Variants in FUT8 observed in about 807,000 individuals in gnomAD.
FUT8 encodes the protein alpha-(1,6)-fucosyltransferase.
FUT8 carries 29 observed loss-of-function variants against 71.3 expected under a neutral mutation model. That is an observed-to-expected ratio of 0.41 (90% confidence interval 0.30 to 0.55). FUT8 has a LOEUF of 0.55. FUT8 is among the 20% of genes least tolerant of loss of function. The pLI, the probability that FUT8 is intolerant of heterozygous loss-of-function variation, is 0.34. For missense variants in FUT8, 544 were observed against 702.1 expected, an observed-to-expected ratio of 0.77 and a Z score of 2.55; for synonymous variants, 254 against 239.3, an observed-to-expected ratio of 1.06 and a Z score of -0.57.
intron 7 of FUT8, among the ~76,000 whole-genome samples, chr14:65,671,045 C>A (rs1436459567): frequency 6.6e-6 from 1 of 152,130 alleles, no homozygotes; most frequent in Non-Finnish European, 1.5e-5. Flanking sequence ...TAGGAAGATA[C>A]TAAATTTGTC....
chr14:65,719,033 C>A (rs1028568294), intron 7 of FUT8, among the ~76,000 whole-genome samples: 13 of 152,268 alleles, frequency 8.5e-5, no homozygotes, highest in Admixed American at 6.5e-5. Flanking sequence ...TCTGTTTCAT[C>A]CCTTTGAATA....
In FUT8 at chr14:65,660,591, C is replaced by A. The variant is rs2140348386; in HGVS notation, c.598-8652C>A. On this transcript the variant is annotated intron_variant, in intron 6 of 10. Transcript: ENST00000673929. The surrounding 1 kb of genome is among the most constrained non-coding windows in gnomAD (Gnocchi z 4.1). ...TTGATTTCCTGAAGCACTTGGTAAACTACTTGGGCCTGAGCTATTGTGTTG... is the reference window on the plus strand; with the variant it reads ...TTGATTTCCTGAAGCACTTGGTAAAATACTTGGGCCTGAGCTATTGTGTTG... 6.6e-6 allele frequency among the ~76,000 whole-genome samples: 1 copy of A among 152,248 alleles called. No individual in the cohort carries two copies. The highest frequency in any genetic ancestry group is 2.4e-5 in the African/African-American group (1 of 41,554).
chr14:65,586,505 C>G (rs181739707), intron 3 of FUT8, among the ~76,000 whole-genome samples: 1 of 152,144 alleles, frequency 6.6e-6, no homozygotes, highest in Non-Finnish European at 1.5e-5. Flanking sequence ...ATATGAAATG[C>G]TAGACATTTA....
intron 2 of FUT8, among the ~76,000 whole-genome samples, chr14:65,494,930 C>T (rs2066536894): frequency 3.3e-5 from 5 of 151,932 alleles, no homozygotes; most frequent in Admixed American, 3.3e-4. Flanking sequence ...GAAGGACTTC[C>T]AAGAGACTCC....
intron 2 of FUT8, among the ~76,000 whole-genome samples, chr14:65,464,150 C>G (rs1355521323): frequency 6.6e-6 from 1 of 151,872 alleles, no homozygotes; most frequent in Non-Finnish European, 1.5e-5. Flanking sequence ...TTTAGGTTTA[C>G]AGAGAAATTG....
intron 2 of FUT8, among the ~76,000 whole-genome samples, chr14:65,476,637 AT>A (rs200882761): frequency 3.3e-3 from 407 of 124,104 alleles, no homozygotes; most frequent in Middle Eastern, 9.7e-3. Flanking sequence ...AAAGAAGTAG[AT>A]TTTTTTTTTT....
intron 1 of FUT8, among the ~76,000 whole-genome samples, chr14:65,424,485 A>G (rs1042978536): frequency 6.6e-6 from 1 of 151,116 alleles, no homozygotes; most frequent in Non-Finnish European, 1.5e-5. Context: ...TAGTATCTAC[A>G]TATATTTTAA....
intron 2 of FUT8, among the ~76,000 whole-genome samples, chr14:65,539,227 G>T (rs576192294): frequency 3.3e-5 from 5 of 152,112 alleles, no homozygotes; most frequent in African/African-American, 1.2e-4. Flanking sequence ...GTATTTCATC[G>T]TCCTAAATTG....
Position 65,639,098 on chromosome 14 carries a change from T to TA in FUT8, c.597+9503dup, listed in dbSNP as rs553628449. Among the ~76,000 whole-genome samples, 634 of 144,196 alleles carry TA rather than the reference T, an allele frequency of 4.4e-3. 2 individuals carry two copies. The highest frequency in any genetic ancestry group is 0.014 in the African/African-American group (539 of 39,640). 94.6% of individuals were successfully genotyped at this position (144,196 alleles called of 152,430 possible). The stretch of plus-strand genomic sequence containing the variant: ...GAGAAAGAAAATACCTTTTCCAAGA[T>TA]AAAAAAAAAAATGAACAACTTGACT... On this transcript the variant is annotated intron_variant, in intron 6 of 10. Transcript: ENST00000673929.
At chr14:65,625,078 T>TAAATAAAC (rs1209756194) in intron 5 of FUT8, among the ~76,000 whole-genome samples, 1 of 151,126 alleles carries the variant, frequency 6.6e-6, no homozygotes, top group Non-Finnish European at 1.5e-5. Flanking sequence ...AATAAATAAA[T>TAAATAAAC]AAATAAATAA....
the FUT8 span, among the ~76,000 whole-genome samples, chr14:65,395,636 AG>A: frequency 9.0e-4 from 137 of 152,364 alleles, no homozygotes; most frequent in African/African-American, 3.1e-3. Flanking sequence ...GCACACAGCA[AG>A]GGGTCCCTGG....
chr14:65,386,837 A>ATT, the FUT8 span, among the ~76,000 whole-genome samples: 3,116 of 82,006 alleles, frequency 0.038, 103 homozygotes, highest in African/African-American at 0.049. Flanking sequence ...TCTTCCTTTA[A>ATT]TTTTTTTTTT....
chr14:65,649,733 TAA>T (rs1891275132), intron 6 of FUT8, among the ~76,000 whole-genome samples: 1 of 152,204 alleles, frequency 6.6e-6, no homozygotes, highest in South Asian at 2.1e-4. Flanking sequence ...TCCTTTTAAA[TAA>T]AAAGATATAA....
At position 65,721,929 on chromosome 14, in the gene FUT8, G is replaced by A. The variant is rs1895437392; in HGVS notation, c.990G>A (p.Gln330=). 2 of 1,614,052 alleles carry A rather than the reference G, an allele frequency of 1.2e-6. No individual in the cohort carries two copies. The highest frequency in any genetic ancestry group is 1.7e-5 in the Admixed American group (1 of 60,006). The part of the protein sequence containing the change: ...HGDPAVWWVS[Q]FVKYLIRPQP... ...ACCCTGCAGTGTGGTGGGTGTCTCA[G>A]TTTGTCAAATACTTGATCCGCCCAC... Residue 330 remains glutamine (Q), a synonymous_variant, in exon 8 of 11, where the codon CAG becomes CAA. Transcript: ENST00000673929.
At chr14:65,675,764 C>T (rs886750906) in intron 7 of FUT8, among the ~76,000 whole-genome samples, 8 of 151,628 alleles carry the variant, frequency 5.3e-5, no homozygotes, top group African/African-American at 1.5e-4. Context: ...CCGAGGTGGG[C>T]GGATTACCAG....
At chr14:65,396,119 C>T in the FUT8 span, among the ~76,000 whole-genome samples, 2 of 152,206 alleles carry the variant, frequency 1.3e-5, no homozygotes, top group African/African-American at 4.8e-5. This position sits in a 1 kb window ranked among gnomAD's most constrained non-coding sequence, Gnocchi z 5.5. Flanking sequence ...ACATCACTAT[C>T]AGCATTTTGG....
At chr14:65,711,322 A>G (rs1418655789) in intron 7 of FUT8, among the ~76,000 whole-genome samples, 4 of 152,246 alleles carry the variant, frequency 2.6e-5, no homozygotes, top group Non-Finnish European at 5.9e-5. Context: ...TAATCAGAAG[A>G]TAACACTTTC....
intron 3 of FUT8, among the ~76,000 whole-genome samples, chr14:65,598,685 G>A (rs1888133736): frequency 6.6e-6 from 1 of 152,080 alleles, no homozygotes; most frequent in Non-Finnish European, 1.5e-5. Flanking sequence ...AAAATAATGT[G>A]TTTTCATAGT....
At chr14:65,580,124 G>C (rs1049796553) in intron 3 of FUT8, among the ~76,000 whole-genome samples, 1 of 148,478 alleles carries the variant, frequency 6.7e-6, no homozygotes, top group African/African-American at 2.5e-5. Flanking sequence ...ATTACATTCT[G>C]AGAAATACGT....
Sources: gnomAD v4.1 joint callset for allele counts (sites outside exome capture counted in the v4.1 genomes callset) on GRCh38, gnomAD v4.1.1 for gene constraint, Gnocchi (gnomAD v3.1) non-coding constraint, MANE v1.5 for transcripts, NCBI Gene and HGNC (gene_info 2026-07-23, HGNC 2026-07-21) for gene names.